Variants in RFTN1 observed in about 807,000 individuals in gnomAD.
The protein encoded by RFTN1 is raftlin, lipid raft linker 1, also known as raftlin.
RFTN1 carries 26 observed loss-of-function variants against 46.5 expected under a neutral mutation model. That is an observed-to-expected ratio of 0.56 (90% CI 0.41 to 0.78). The LOEUF (loss-of-function observed/expected upper bound fraction) is 0.78. RFTN1 is among the 30% of genes least tolerant of loss of function. The probability of loss-of-function intolerance (pLI) is 0.00; values close to 1 mark genes in which losing one functional copy is unlikely to be tolerated. For missense variants in RFTN1, 693 were observed against 718.7 expected (o/e 0.96, Z 0.41); for synonymous variants, 261 against 284.2 (o/e 0.92, Z 0.82).
intron 7 of RFTN1, among the ~76,000 whole-genome samples, chr3:16,332,709 A>C (rs1408141236): frequency 6.6e-6 from 1 of 152,176 alleles, no homozygotes. Flanking sequence ...TCCAGGTTGT[A>C]GCTTCCTTCA....
rs959115982 is a variant in RFTN1, at chr3:16,498,798, A to C, written c.-8-4921T>G. On this transcript the variant is annotated intron_variant, in intron 1 of 9. Coordinates refer to ENST00000334133, the MANE Select transcript of RFTN1 (RefSeq NM_015150.2). This position sits in a 1 kb window ranked among gnomAD's most constrained non-coding sequence, Gnocchi z 5.2. ...AACTCCCACCCCTGTCAAAATAGGAAAGACTTTTACATCATTTCAAAAATG... is the reference window on the plus strand; with the variant it reads ...AACTCCCACCCCTGTCAAAATAGGACAGACTTTTACATCATTTCAAAAATG... Among the ~76,000 whole-genome samples the C allele has an allele frequency of 1.3e-5, 2 of 152,194 alleles. No homozygotes were observed. Among genetic ancestry groups the C allele is most frequent in the Admixed American group, 1.3e-4 (2 of 15,274 alleles).
chr3:16,339,641 T>C (rs1246782054), intron 7 of RFTN1: 2 of 152,224 alleles, frequency 1.3e-5, no homozygotes, highest in East Asian at 3.9e-4. Context: ...TCAGAGAGAC[T>C]GGCCAATCCT....
Position 16,451,204 on chromosome 3 carries a change from C to T in RFTN1, c.146-17167G>A, listed in dbSNP as rs534459299. Among the ~76,000 whole-genome samples the T allele has an allele frequency of 2.0e-4, 30 of 152,198 alleles. No individual in the cohort carries two copies. Among genetic ancestry groups the T allele is most frequent in the African/African-American group, 6.3e-4 (26 of 41,526 alleles). ...CTGCAAAGGAGGCAGAGGAGCAGCC[C>T]GAGAGACAAGAAGCAAAGCAGAAGA... On this transcript the variant is annotated intron_variant, in intron 2 of 9. Coordinates refer to ENST00000334133, the MANE Select transcript of RFTN1 (RefSeq NM_015150.2). The surrounding 1 kb of genome is among the most constrained non-coding windows in gnomAD (Gnocchi z 4.2).
Position 16,337,154 on chromosome 3 carries a change from GGAT to G in RFTN1, c.1147-10281_1147-10279del, listed in dbSNP as rs1559831005. 1 of 152,194 alleles carries G rather than the reference GGAT, an allele frequency of 6.6e-6. No individual in the cohort carries two copies. Among genetic ancestry groups the G allele is most frequent in the African/African-American group, 2.4e-5 (1 of 41,436 alleles). 9.4% of individuals were successfully genotyped at this position (152,194 alleles called of 1,614,324 possible). A position where few individuals can be genotyped will look rare whatever the true frequency, so the allele number is the denominator to read the frequency against. On this transcript the variant is annotated intron_variant, in intron 7 of 9. Transcript: ENST00000334133. The surrounding 1 kb of genome is among the most constrained non-coding windows in gnomAD (Gnocchi z 5.0). ...TGAGGACAGGCCCAGGCTAGCCTTC[GGAT>G]GATGAGAGACCTGTGGCCCTGCTAA...
intron 4 of RFTN1, among the ~76,000 whole-genome samples, chr3:16,393,701 C>T (rs1350060718): frequency 2.0e-5 from 3 of 151,402 alleles, no homozygotes; most frequent in Non-Finnish European, 4.4e-5. Context: ...CTTTCTCACC[C>T]AGGCTGTAGT....
Position 16,329,942 on chromosome 3 carries a change from C to T in RFTN1, c.1147-3066G>A, listed in dbSNP as rs1219564853. 6.6e-6 allele frequency among the ~76,000 whole-genome samples: 1 copy of T among 152,164 alleles called. No homozygotes were observed. Among genetic ancestry groups the T allele is most frequent in the African/African-American group, 2.4e-5 (1 of 41,434 alleles). ...GCTGCGAGACAATGAACGACCCCTG[C>T]TGCAGCCCGACCCGCCTGCTTAGAC... On this transcript the variant is annotated intron_variant, in intron 7 of 9. Transcript: ENST00000334133. The surrounding 1 kb of genome is among the most constrained non-coding windows in gnomAD (Gnocchi z 4.5).
At position 16,317,010 on chromosome 3, in the gene RFTN1, G is replaced by A. The variant is rs752507248; in HGVS notation, c.1555C>T (p.Gln519Ter). 48 of 1,613,682 alleles carry A rather than the reference G, an allele frequency of 3.0e-5. No individual in the cohort carries two copies. Among genetic ancestry groups the A allele is most frequent in the Non-Finnish European group, 3.8e-5 (45 of 1,179,928 alleles). The change falls in exon 10 of 10, where the codon CAG (glutamine) becomes TAG (stop). Residue 519 changes from glutamine to a stop codon, truncating the protein, a stop_gained. Transcript: ENST00000334133. LOFTEE classifies it low-confidence loss of function (END_TRUNC). The surrounding 1 kb of genome is among the most constrained non-coding windows in gnomAD (Gnocchi z 4.3). ...KGPVQEDKGE[Q>*]LSPGGLLCGV... is the part of the protein sequence containing the mutation. Reference sequence around the variant, plus strand: ...CACAGCAGGCCACCAGGGGACAGCTGTTCTCCCTTGTCCTCTTGGACAGGG... The same window carrying A: ...CACAGCAGGCCACCAGGGGACAGCTATTCTCCCTTGTCCTCTTGGACAGGG...
In RFTN1 at chr3:16,428,306, G is replaced by A. The variant is rs2075322227; in HGVS notation, c.332+5545C>T. ...TCACCATCCTAGGTGTGATTCCAAT[G>A]AGTACTCACTATAAACCCAAACCAG... On this transcript the variant is annotated intron_variant, in intron 3 of 9. Coordinates refer to ENST00000334133, the MANE Select transcript of RFTN1 (RefSeq NM_015150.2). The surrounding 1 kb of genome is among the most constrained non-coding windows in gnomAD (Gnocchi z 4.7). 6.6e-6 allele frequency among the ~76,000 whole-genome samples: 1 copy of A among 152,144 alleles called. No individual in the cohort carries two copies. Among genetic ancestry groups the A allele is most frequent in the Non-Finnish European group, 1.5e-5 (1 of 68,022 alleles).
At chr3:16,431,214 C>T (rs1341798578) in intron 3 of RFTN1, among the ~76,000 whole-genome samples, 1 of 152,228 alleles carries the variant, frequency 6.6e-6, no homozygotes, top group East Asian at 1.9e-4. Flanking sequence ...TGTGTTCTTT[C>T]TTACCTAGCC....
In RFTN1 at chr3:16,323,585, C is replaced by T. The variant is rs940319142; in HGVS notation, c.1251-128G>A. On this transcript the variant is annotated intron_variant, in intron 8 of 9. Coordinates refer to ENST00000334133, the MANE Select transcript of RFTN1 (RefSeq NM_015150.2). ...CAGGATTATGACAGGTTAGAAGAGA[C>T]GCCTGCTCTACTCTTCCGCTCCCAG... The T allele has an allele frequency of 1.2e-4, 73 of 627,212 alleles. No homozygotes were observed. In the African/African-American group the frequency reaches 1.2e-3, roughly 10 times the overall value. 38.9% of individuals were successfully genotyped at this position (627,212 alleles called of 1,614,324 possible). A position where few individuals can be genotyped will look rare whatever the true frequency, so the allele number is the denominator to read the frequency against.
chr3:16,317,229 G>T lies in RFTN1; in HGVS notation c.1336C>A (p.Gln446Lys). The change falls in exon 10 of 10, where the codon CAG (glutamine) becomes AAG (lysine). Residue 446 changes from glutamine (Q) to lysine (K), a missense_variant. Coordinates refer to ENST00000334133, the MANE Select transcript of RFTN1 (RefSeq NM_015150.2). The surrounding 1 kb of genome is among the most constrained non-coding windows in gnomAD (Gnocchi z 4.3). ...QKIKKKESKFQWRFSREEMHN... is the reference protein window; with the variant it reads ...QKIKKKESKFKWRFSREEMHN... ...ATTTCTTCTCTGGAGAATCGCCACT[G>T]AAACTAGAAATCAGAAAGGATGGGG... 6.2e-7 allele frequency: 1 copy of T among 1,611,778 alleles called. No homozygotes were observed. The highest frequency in any genetic ancestry group is 1.1e-5 in the South Asian group (1 of 91,006).
At chr3:16,364,225 T>C (rs922393696) in intron 6 of RFTN1, among the ~76,000 whole-genome samples, 2 of 152,256 alleles carry the variant, frequency 1.3e-5, no homozygotes, top group Non-Finnish European at 2.9e-5. Context: ...GATTCAGTGT[T>C]AGCTGGACGT....
At chr3:16,324,590 T>C in intron 8 of RFTN1, among the ~76,000 whole-genome samples, 1 of 143,484 alleles carries the variant, frequency 7.0e-6, no homozygotes, top group African/African-American at 2.7e-5. Flanking sequence ...CTCATCCTTG[T>C]AATAAATAAC....
At chr3:16,420,527 G>A (rs748567315) in intron 3 of RFTN1, among the ~76,000 whole-genome samples, 6 of 152,160 alleles carry the variant, frequency 3.9e-5, no homozygotes, top group Non-Finnish European at 8.8e-5. Flanking sequence ...TCTTCTCTAC[G>A]TGCATTGAAT....
rs182073074 is a variant in RFTN1 at position 16,460,931 on chromosome 3, A to C, written c.146-26894T>G. ...GACTTCTTCAACAAATGACAGACAA[A>C]GCAGGTTTGGTCCCAATGTAAAATG... On this transcript the variant is annotated intron_variant, in intron 2 of 9. Transcript: ENST00000334133. The surrounding 1 kb of genome is among the most constrained non-coding windows in gnomAD (Gnocchi z 4.8). Among the ~76,000 whole-genome samples, 12 of 152,334 alleles carry C rather than the reference A, an allele frequency of 7.9e-5. No individual in the cohort carries two copies. Among genetic ancestry groups the C allele is most frequent in the Admixed American group, 4.6e-4 (7 of 15,306 alleles).
rs1275034449 is a variant in RFTN1 at position 16,317,921 on chromosome 3, G to A, written c.1333-689C>T. ...CATCCCAGCTCCAAGCCAACCTGGG[G>A]GATTGTGACTGCATCACAGCCCAAA... On this transcript the variant is annotated intron_variant, in intron 9 of 9. Transcript: ENST00000334133. The surrounding 1 kb of genome is among the most constrained non-coding windows in gnomAD (Gnocchi z 4.3). 1.3e-5 allele frequency among the ~76,000 whole-genome samples: 2 copies of A among 152,148 alleles called. No individual in the cohort carries two copies. The highest frequency in any genetic ancestry group is 2.9e-5 in the Non-Finnish European group (2 of 68,020).
In RFTN1 at chr3:16,466,630, A is replaced by T. The variant is rs1299621642; in HGVS notation, c.145+27095T>A. On this transcript the variant is annotated intron_variant, in intron 2 of 9. Coordinates refer to ENST00000334133, the MANE Select transcript of RFTN1 (RefSeq NM_015150.2). The surrounding 1 kb of genome is among the most constrained non-coding windows in gnomAD (Gnocchi z 5.6). ...AAACACCAACCATCCTCAGAAACCA[A>T]CCTTCTTTACAGGCAGAAGTTTCTT... Among the ~76,000 whole-genome samples the T allele has an allele frequency of 6.6e-6, 1 of 152,134 alleles. No individual in the cohort carries two copies. The highest frequency in any genetic ancestry group is 1.9e-4 in the East Asian group (1 of 5,192).
chr3:16,433,814 C>T lies in RFTN1; in HGVS notation c.332+37G>A, dbSNP rs1421986815. 2.5e-6 allele frequency: 4 copies of T among 1,607,394 alleles called. No individual in the cohort carries two copies. In the East Asian group the frequency reaches 6.7e-5, roughly 27 times the overall value. ...TCCTCTATTGAGCATAACTTAGCCG[C>T]AACAGGATGCTACCCATTCACCCGT... On this transcript the variant is annotated intron_variant, in intron 3 of 9. Coordinates refer to ENST00000334133, the MANE Select transcript of RFTN1 (RefSeq NM_015150.2). This position sits in a 1 kb window ranked among gnomAD's most constrained non-coding sequence, Gnocchi z 4.4.
At chr3:16,471,094 A>G (rs2124948348) in intron 2 of RFTN1, among the ~76,000 whole-genome samples, 1 of 152,388 alleles carries the variant, frequency 6.6e-6, no homozygotes. Context: ...ACCACAGAAT[A>G]AAGCAAACCA....
Sources: allele counts gnomAD v4.1 joint callset (sites outside exome capture counted in the v4.1 genomes callset), GRCh38; gene constraint gnomAD v4.1.1; non-coding constraint Gnocchi (gnomAD v3.1); transcripts MANE v1.5; gene names NCBI Gene and HGNC (gene_info 2026-07-23, HGNC 2026-07-21).